GTF2IRD1: variants seen among roughly 807,000 people sequenced by gnomAD.
The protein encoded by GTF2IRD1 is general transcription factor II-I repeat domain-containing protein 1.
Under a neutral mutation model 113.2 loss-of-function variants are expected in GTF2IRD1, and 26 were observed. The observed-to-expected ratio is 0.23, with a 90% CI of 0.17 to 0.32. The LOEUF is 0.32. Among genes scored for constraint, GTF2IRD1 ranks in the 10% least tolerant of loss-of-function variants. The pLI, the probability that GTF2IRD1 is intolerant of heterozygous loss-of-function variation, is 1.00. For missense variants in GTF2IRD1, 864 were observed against 1,280.8 expected (o/e 0.67, Z 4.97); for synonymous variants, 484 against 529.1 (o/e 0.91, Z 1.17).
chr7:74,461,454 C>T (rs1793357594), intron 1 of GTF2IRD1, among the ~76,000 whole-genome samples: 1 of 152,142 alleles, frequency 6.6e-6, no homozygotes, highest in Admixed American at 6.6e-5. Flanking sequence ...CGTATCTTTT[C>T]GTCTATCCAT....
At chr7:74,577,323 G>A (rs1376631864) in intron 22 of GTF2IRD1, among the ~76,000 whole-genome samples, 1 of 152,220 alleles carries the variant, frequency 6.6e-6, no homozygotes, top group East Asian at 1.9e-4. Context: ...ACAGGCGTGA[G>A]CCACCGCGCC....
chr7:74,470,792 G>C (rs1244273379), intron 1 of GTF2IRD1, among the ~76,000 whole-genome samples: 2 of 152,032 alleles, frequency 1.3e-5, no homozygotes, highest in Non-Finnish European at 2.9e-5. Context: ...TTCCAACCTA[G>C]TTCTGTTCAT....
intron 22 of GTF2IRD1, among the ~76,000 whole-genome samples, chr7:74,573,808 G>C (rs898564039): frequency 6.6e-6 from 1 of 152,134 alleles, no homozygotes; most frequent in African/African-American, 2.4e-5. Context: ...AAGAACCTTC[G>C]TGTCATGGAG....
chr7:74,582,864 C>T (rs1801497167), intron 22 of GTF2IRD1, among the ~76,000 whole-genome samples: 2 of 151,842 alleles, frequency 1.3e-5, no homozygotes, highest in South Asian at 4.2e-4. Flanking sequence ...GCCTGGGCAA[C>T]ATAGCAAGAT....
At chr7:74,471,095 G>A (rs529165019) in intron 1 of GTF2IRD1, among the ~76,000 whole-genome samples, 6 of 152,186 alleles carry the variant, frequency 3.9e-5, no homozygotes, top group Admixed American at 2.6e-4. Flanking sequence ...GTGAGCCACC[G>A]TGCCCGGCCT....
intron 17 of GTF2IRD1, among the ~76,000 whole-genome samples, chr7:74,547,755 CTTTTTTTT>C (rs587743253): frequency 1.0e-3 from 119 of 114,240 alleles, no homozygotes; most frequent in African/African-American, 3.9e-3. Context: ...TTCTCTCTCT[CTTTTTTTT>C]TTTTTTTTTT....
At chr7:74,485,977 CT>C (rs201871259) in intron 1 of GTF2IRD1, among the ~76,000 whole-genome samples, 54 of 145,510 alleles carry the variant, frequency 3.7e-4, no homozygotes, top group Admixed American at 2.8e-4. Flanking sequence ...GAATCTGTTT[CT>C]TTTTTTTTTT....
Position 74,544,783 on chromosome 7 carries a change from C to T in GTF2IRD1, c.1647C>T (p.Pro549=), listed in dbSNP as rs139483953. ...AAGGTCTGAGTGAGGACGCGCGGCC[C>T]GAGGAGAGGCCCGTGGAGGGTGAGG... ...TDKGLSEDAR[P]EERPVEDSHG... Residue 549 remains proline, a synonymous_variant, in exon 15 of 27, where the codon CCC becomes CCT. Transcript: ENST00000424337. 6.4e-5 allele frequency: 104 copies of T among 1,613,890 alleles called. No homozygotes were observed. The African/African-American group carries it at 1.1e-3, about 18-fold the overall frequency.
In GTF2IRD1 at chr7:74,548,345, C is replaced by G. The variant is rs188627066; in HGVS notation, c.1916+1059C>G. On this transcript the variant is annotated intron_variant, in intron 17 of 26. Coordinates refer to ENST00000424337, the MANE Select transcript of GTF2IRD1 (RefSeq NM_005685.4). ...GCTGAGGCAGGAGAATGGCATGAACCTGGGAGGTGGAGCTTGCAGTGAGCG... is the reference window on the plus strand; with the variant it reads ...GCTGAGGCAGGAGAATGGCATGAACGTGGGAGGTGGAGCTTGCAGTGAGCG... 2.6e-5 allele frequency among the ~76,000 whole-genome samples: 4 copies of G among 151,836 alleles called. No individual in the cohort carries two copies. In the East Asian group the frequency reaches 7.8e-4, roughly 30 times the overall value.
At chr7:74,587,498 T>A (rs1199069728) in intron 22 of GTF2IRD1, among the ~76,000 whole-genome samples, 1 of 151,514 alleles carries the variant, frequency 6.6e-6, no homozygotes, top group Non-Finnish European at 1.5e-5. Flanking sequence ...GACCCATCAG[T>A]CTGCTCTGCC....
intron 1 of GTF2IRD1, among the ~76,000 whole-genome samples, chr7:74,474,193 G>A (rs372364826): frequency 2.2e-4 from 34 of 152,108 alleles, no homozygotes; most frequent in Non-Finnish European, 3.2e-4. Context: ...CCACTGAGCC[G>A]AGGTCGTGCC....
chr7:74,502,016 T>C (rs1796059754), intron 1 of GTF2IRD1, among the ~76,000 whole-genome samples: 1 of 152,130 alleles, frequency 6.6e-6, no homozygotes, highest in African/African-American at 2.4e-5. Flanking sequence ...GGCACAATCA[T>C]AGCTCACTAC....
intron 25 of GTF2IRD1, among the ~76,000 whole-genome samples, chr7:74,600,001 C>T (rs1802651728): frequency 6.6e-6 from 1 of 152,216 alleles, no homozygotes; most frequent in South Asian, 2.1e-4. Flanking sequence ...CAGCCCTGCC[C>T]CTTCGGGTGC....
intron 8 of GTF2IRD1, among the ~76,000 whole-genome samples, chr7:74,529,081 T>C (rs1380306819): frequency 6.6e-6 from 1 of 151,848 alleles, no homozygotes; most frequent in Non-Finnish European, 1.5e-5. Flanking sequence ...GAAGAGCAGG[T>C]ACAAAGGCAT....
At chr7:74,531,961 G>T (rs1797987383) in intron 9 of GTF2IRD1, among the ~76,000 whole-genome samples, 1 of 152,126 alleles carries the variant, frequency 6.6e-6, no homozygotes, top group African/African-American at 2.4e-5. Flanking sequence ...CAGGGCTGTG[G>T]GTTCACACCT....
intron 1 of GTF2IRD1, among the ~76,000 whole-genome samples, chr7:74,463,015 T>C (rs1328134195): frequency 6.6e-6 from 1 of 152,138 alleles, no homozygotes; most frequent in East Asian, 1.9e-4. Context: ...ATCCCCACCC[T>C]GTGGGAGTCT....
rs138228583 is a variant in GTF2IRD1, at chr7:74,491,069, A to T, written c.-6-17006A>T. Among the ~76,000 whole-genome samples the T allele has an allele frequency of 2.2e-3, 337 of 152,270 alleles. 3 individuals carry two copies. The highest frequency in any genetic ancestry group is 7.6e-3 in the African/African-American group (314 of 41,546). ...ATGCCTGTAATCCCAGCACTTTGGA[A>T]GGCTAAAGTGGGCAGATCATGAGGT... is the stretch of plus-strand genomic sequence containing the variant. On this transcript the variant is annotated intron_variant, in intron 1 of 26. Transcript: ENST00000424337.
At chr7:74,471,701 A>AAC (rs1554332421) in intron 1 of GTF2IRD1, among the ~76,000 whole-genome samples, 33,824 of 134,522 alleles carry the variant, frequency 0.25, 4,936 homozygotes, top group Middle Eastern at 0.37. Flanking sequence ...AAAAAAAAAA[A>AAC]CAAAAAAAAC....
At chr7:74,515,623 G>A in intron 4 of GTF2IRD1, 27 bp downstream of exon 4, 1 of 1,588,974 alleles carries the variant, frequency 6.3e-7, no homozygotes, top group Non-Finnish European at 8.6e-7. Context: ...TTCCATTTGG[G>A]GGCCCCAGGG....
Sources: gnomAD v4.1 joint callset for allele counts (sites outside exome capture counted in the v4.1 genomes callset) on GRCh38, gnomAD v4.1.1 for gene constraint, MANE v1.5 for transcripts, NCBI Gene and HGNC (gene_info 2026-07-23, HGNC 2026-07-21) for gene names.